The following FRMD4B variants were observed in gnomAD, a reference collection of about 807,000 sequenced individuals.
FRMD4B encodes the protein FERM domain containing 4B.
A neutral mutation model predicts 141.5 loss-of-function variants in FRMD4B; 74 were observed. That is an observed-to-expected ratio of 0.52 (90% confidence interval 0.43 to 0.63). The LOEUF (loss-of-function observed/expected upper bound fraction) is 0.63, where lower values mean the gene tolerates loss of function less well. FRMD4B is among the 30% of genes least tolerant of loss of function. The probability of loss-of-function intolerance (pLI) is 0.00; values close to 1 mark genes in which losing one functional copy is unlikely to be tolerated. For synonymous variants in FRMD4B, 506 were observed against 467.9 expected (o/e 1.08, Z -1.05); for missense variants, 1,366 against 1,253.4 (o/e 1.09, Z -1.36).
At chr3:69,214,736 T>C (rs1346226820) in intron 11 of FRMD4B, among the ~76,000 whole-genome samples, 1 of 152,020 alleles carries the variant, frequency 6.6e-6, no homozygotes, top group African/African-American at 2.4e-5. Context: ...GTAGCATGTG[T>C]CTGTAGTCCA....
At chr3:69,210,399 A>C (rs1419232587) in intron 11 of FRMD4B, among the ~76,000 whole-genome samples, 1 of 151,564 alleles carries the variant, frequency 6.6e-6, no homozygotes, top group African/African-American at 2.4e-5. Flanking sequence ...ATAAATACTT[A>C]GAAGGAACAC....
At chr3:69,312,899 AT>A (rs961650419) in intron 2 of FRMD4B, among the ~76,000 whole-genome samples, 7 of 140,308 alleles carry the variant, frequency 5.0e-5, no homozygotes, top group Non-Finnish European at 9.2e-5. Context: ...AAAAAAAAAA[AT>A]ATATCTATCT....
chr3:69,527,308 C>T (rs1700943786), intron 1 of FRMD4B, among the ~76,000 whole-genome samples: 2 of 152,132 alleles, frequency 1.3e-5, no homozygotes. Flanking sequence ...TTTCCTGGTT[C>T]CCCTTTGAAG....
At chr3:69,296,698 T>C (rs570048551) in intron 4 of FRMD4B, among the ~76,000 whole-genome samples, 1 of 152,184 alleles carries the variant, frequency 6.6e-6, no homozygotes, top group Non-Finnish European at 1.5e-5. Flanking sequence ...CATTCCTCCA[T>C]GAAAAGATGA....
At chr3:69,294,842 T>TGGGGA (rs1490838003) in intron 4 of FRMD4B, among the ~76,000 whole-genome samples, 3 of 151,324 alleles carry the variant, frequency 2.0e-5, no homozygotes, top group African/African-American at 7.3e-5. Context: ...TGAGAGGGAG[T>TGGGGA]GGGGAGGGGA....
intron 4 of FRMD4B, among the ~76,000 whole-genome samples, chr3:69,288,228 G>A (rs1181248936): frequency 2.6e-5 from 4 of 152,256 alleles, no homozygotes; most frequent in Non-Finnish European, 5.9e-5. Flanking sequence ...GGCTGAGCAA[G>A]CACTACCTAA....
chr3:69,196,711 AC>A, intron 13 of FRMD4B, 188 bp downstream of exon 13: 1 of 593,286 alleles, frequency 1.7e-6, no homozygotes, highest in East Asian at 2.9e-5. Flanking sequence ...CAGTCTTACA[AC>A]TTTTAAAGCA....
chr3:69,338,935 A>G (rs1008455601), intron 1 of FRMD4B, among the ~76,000 whole-genome samples: 3 of 152,182 alleles, frequency 2.0e-5, no homozygotes, highest in Non-Finnish European at 2.9e-5. Flanking sequence ...TAAGCACCCA[A>G]TACCTATTAA....
chr3:69,517,162 T>C (rs1315686649), intron 1 of FRMD4B, among the ~76,000 whole-genome samples: 1 of 152,238 alleles, frequency 6.6e-6, no homozygotes, highest in Non-Finnish European at 1.5e-5. Flanking sequence ...TAATGCTACT[T>C]TCTGTTAAAC....
chr3:69,368,597 C>G (rs535385585), intron 1 of FRMD4B, among the ~76,000 whole-genome samples: 1 of 152,296 alleles, frequency 6.6e-6, no homozygotes, highest in South Asian at 2.1e-4. Context: ...ACTCTTCTGC[C>G]TTACACTTGA....
At chr3:69,245,025 A>G (rs1033354057) in intron 7 of FRMD4B, among the ~76,000 whole-genome samples, 1 of 152,210 alleles carries the variant, frequency 6.6e-6, no homozygotes, top group Admixed American at 6.5e-5. Flanking sequence ...GGAGTCCATC[A>G]TGTCCATCAA....
intron 1 of FRMD4B, among the ~76,000 whole-genome samples, chr3:69,540,660 T>TATATATATAC (rs1241897477): frequency 1.8e-5 from 1 of 56,874 alleles, no homozygotes; most frequent in African/African-American, 1.0e-4. Context: ...TATATATATA[T>TATATATATAC]ACACACACAC....
chr3:69,519,657 A>G (rs1458359067), intron 1 of FRMD4B, among the ~76,000 whole-genome samples: 1 of 152,024 alleles, frequency 6.6e-6, no homozygotes, highest in African/African-American at 2.4e-5. Context: ...TTTTATTTCC[A>G]TAGGTTTTGG....
At chr3:69,331,364 C>T (rs1206805721) in intron 1 of FRMD4B, among the ~76,000 whole-genome samples, 2 of 152,072 alleles carry the variant, frequency 1.3e-5, no homozygotes, top group Non-Finnish European at 2.9e-5. Context: ...GGGAGCAGCC[C>T]CTGGGGAGTC....
intron 7 of FRMD4B, among the ~76,000 whole-genome samples, chr3:69,231,222 A>C (rs2093302992): frequency 6.6e-6 from 1 of 152,348 alleles, no homozygotes; most frequent in East Asian, 1.9e-4. Flanking sequence ...TACAATATAC[A>C]GTGGGGGGCA....
At chr3:69,296,066 T>C (rs1825378) in intron 4 of FRMD4B, among the ~76,000 whole-genome samples, 125,486 of 152,094 alleles carry the variant, frequency 0.83, 51,907 homozygotes, top group East Asian at 0.97. Flanking sequence ...CCACCCATCT[T>C]GGCCTCCCAA....
At chr3:69,210,829 C>CA in intron 11 of FRMD4B, among the ~76,000 whole-genome samples, 1 of 152,048 alleles carries the variant, frequency 6.6e-6, no homozygotes, top group Non-Finnish European at 1.5e-5. Context: ...GCCTGACCAA[C>CA]ATGGTGAAAC....
At chr3:69,473,077 G>A (rs1398545006) in intron 1 of FRMD4B, among the ~76,000 whole-genome samples, 1 of 151,738 alleles carries the variant, frequency 6.6e-6, no homozygotes, top group East Asian at 1.9e-4. Flanking sequence ...CCTTATGATT[G>A]TAAATTGAAG....
At chr3:69,310,350 A>C (rs1701535628) in intron 3 of FRMD4B, 2 of 408,966 alleles carry the variant, frequency 4.9e-6, no homozygotes, top group Non-Finnish European at 9.9e-6. Context: ...AAATATTTAA[A>C]TTGGCAGCAT....
Sources: gnomAD v4.1 joint callset for allele counts (sites outside exome capture counted in the v4.1 genomes callset) on GRCh38, gnomAD v4.1.1 for gene constraint, MANE v1.5 for transcripts, NCBI Gene and HGNC (gene_info 2026-07-23, HGNC 2026-07-21) for gene names.